Variants in ABCA4 observed in about 807,000 individuals in gnomAD.
The protein encoded by ABCA4 is ATP binding cassette subfamily A member 4, also known as retinal-specific phospholipid-transporting ATPase ABCA4.
Under a neutral mutation model 263.7 loss-of-function variants are expected in ABCA4, and 196 were observed. The ratio of observed to expected loss-of-function variants is 0.74; its 90% CI spans 0.66 to 0.84. The LOEUF (loss-of-function observed/expected upper bound fraction) is 0.84. ABCA4 is among the 40% of genes least tolerant of loss of function. ABCA4 has a pLI of 0.00. For synonymous variants in ABCA4, 1,133 were observed against 1,094.2 expected (o/e 1.04, Z -0.70); for missense variants, 2,792 against 2,855.1 (o/e 0.98, Z 0.50).
rs146855825 is a variant in ABCA4 at position 94,041,866 on chromosome 1, C to T, written c.3329-464G>A. Among the ~76,000 whole-genome samples, 973 of 152,174 alleles carry T rather than the reference C, an allele frequency of 6.4e-3. 14 individuals carry two copies. The highest frequency in any genetic ancestry group is 0.023 in the African/African-American group (942 of 41,522). On this transcript the variant is annotated intron_variant, in intron 22 of 49. Transcript: ENST00000370225. Reference sequence around the variant, plus strand: ...ATCCCAGCACTTTGGGAGGACAAGGCGGGAGGATCACCTGAGGTCGGGAGA... The same window carrying T: ...ATCCCAGCACTTTGGGAGGACAAGGTGGGAGGATCACCTGAGGTCGGGAGA...
intron 36 of ABCA4, 52 bp from the exon 37 acceptor site, chr1:94,015,906 A>G (rs2101015678): frequency 6.7e-7 from 1 of 1,501,506 alleles, no homozygotes. Context: ...ACCTGCTGCC[A>G]GCTCTGCAAA....
intron 11 of ABCA4, among the ~76,000 whole-genome samples, chr1:94,076,482 A>C (rs1213257732): frequency 2.0e-5 from 3 of 152,204 alleles, no homozygotes; most frequent in Non-Finnish European, 4.4e-5. Context: ...TGGTTAAGCA[A>C]AAAGCTTGTG....
intron 35 of ABCA4, among the ~76,000 whole-genome samples, chr1:94,020,617 C>T (rs1179250159): frequency 6.6e-6 from 1 of 152,178 alleles, no homozygotes; most frequent in African/African-American, 2.4e-5. Flanking sequence ...TAGTGGATGA[C>T]CCTGGGCATG....
At chr1:94,050,856 G>A (rs1660823429) in intron 17 of ABCA4, among the ~76,000 whole-genome samples, 1 of 152,176 alleles carries the variant, frequency 6.6e-6, no homozygotes, top group African/African-American at 2.4e-5. Context: ...ATAAGTCCTG[G>A]CCCAGGCCCA....
In ABCA4 at chr1:94,062,722, C is replaced by T. The variant is rs201838557; in HGVS notation, c.1792G>A (p.Val598Met). 378 of 1,613,942 alleles carry T rather than the reference C, an allele frequency of 2.3e-4. No homozygotes were observed. Among genetic ancestry groups the T allele is most frequent in the Non-Finnish European group, 3.0e-4 (350 of 1,180,016 alleles). Residue 598 changes from valine to methionine, a missense_variant, in exon 13 of 50, where the codon GTG becomes ATG. By Grantham distance (21) the Val-to-Met change is conservative. Transcript: ENST00000370225. ...CCCCAGATGTACCGGAAATCTTCCACGGGATCAGCTCTGGGACCAGAATCC... is the reference window on the plus strand; with the variant it reads ...CCCCAGATGTACCGGAAATCTTCCATGGGATCAGCTCTGGGACCAGAATCC... Reference protein sequence around the residue: ...YWDSGPRADPVEDFRYIWGGF... With the variant: ...YWDSGPRADPMEDFRYIWGGF...
intron 48 of ABCA4, among the ~76,000 whole-genome samples, 200 bp downstream of exon 48, chr1:93,997,660 AG>A (rs1285205450): frequency 3.3e-5 from 5 of 152,244 alleles, no homozygotes; most frequent in African/African-American, 1.2e-4. Flanking sequence ...TGTAAAAAAA[AG>A]AATCAATGAA....
chr1:94,003,600 A>G (rs913507130), intron 44 of ABCA4, among the ~76,000 whole-genome samples: 1 of 152,102 alleles, frequency 6.6e-6, no homozygotes, highest in African/African-American at 2.4e-5. Context: ...CCAATAAGCA[A>G]TCTGTACAGA....
At chr1:94,021,568 G>A in intron 34 of ABCA4, 72 bp downstream of exon 34, 1 of 1,515,488 alleles carries the variant, frequency 6.6e-7, no homozygotes, top group Non-Finnish European at 9.1e-7. Context: ...AATGAAGGTA[G>A]GAAAGTAAAA....
intron 31 of ABCA4, 115 bp downstream of exon 31, chr1:94,024,838 GA>G (rs1192233018): frequency 2.1e-6 from 2 of 931,470 alleles, no homozygotes; most frequent in Non-Finnish European, 3.3e-6. Context: ...AGATAAAAAA[GA>G]AAAAAATCTA....
chr1:94,119,182 T>C (rs1013678083), intron 1 of ABCA4, among the ~76,000 whole-genome samples: 4 of 152,108 alleles, frequency 2.6e-5, no homozygotes, highest in East Asian at 1.9e-4. Context: ...GGTTTTTTTT[T>C]CCAGTTTTAT....
intron 17 of ABCA4, 93 bp downstream of exon 17, chr1:94,051,540 A>T: frequency 8.6e-7 from 1 of 1,156,658 alleles, no homozygotes; most frequent in Non-Finnish European, 1.3e-6. Context: ...CACACCGTTT[A>T]CATAGAGGGC....
intron 44 of ABCA4, among the ~76,000 whole-genome samples, chr1:94,002,634 G>A (rs1659223528): frequency 2.6e-5 from 4 of 152,192 alleles, no homozygotes; most frequent in Admixed American, 2.6e-4. Flanking sequence ...AGCTCACCAT[G>A]CTTCTGCCTT....
At chr1:93,999,028 G>C (rs1659100986) in intron 47 of ABCA4, among the ~76,000 whole-genome samples, 1 of 150,914 alleles carries the variant, frequency 6.6e-6, no homozygotes, top group African/African-American at 2.4e-5. Context: ...TGGGATTACA[G>C]GCATGAGCCA....
At chr1:94,083,480 T>C (rs376991581) in intron 6 of ABCA4, 39 bp from the exon 7 acceptor site, 2 of 1,493,018 alleles carry the variant, frequency 1.3e-6, no homozygotes, top group African/African-American at 2.8e-5. Context: ...AATATATATA[T>C]GTTTGTAGGT....
intron 26 of ABCA4, among the ~76,000 whole-genome samples, chr1:94,033,823 C>G (rs1026553527): frequency 1.3e-5 from 2 of 152,026 alleles, no homozygotes; most frequent in African/African-American, 4.8e-5. Context: ...TGCCAGAGCC[C>G]CAGTTCTGCA....
At chr1:94,118,606 G>A (rs1261016902) in intron 1 of ABCA4, among the ~76,000 whole-genome samples, 1 of 152,198 alleles carries the variant, frequency 6.6e-6, no homozygotes, top group South Asian at 2.1e-4. Flanking sequence ...GGTAGCAGGT[G>A]GGGAGCCATC....
rs886046566 is a variant in ABCA4, at chr1:94,056,705, G to C, written c.2278C>G (p.Leu760Val). 1 of 1,614,184 alleles carries C rather than the reference G, an allele frequency of 6.2e-7. No homozygotes were observed. Among genetic ancestry groups the C allele is most frequent in the Non-Finnish European group, 8.5e-7 (1 of 1,180,022 alleles). The change falls in exon 15 of 50, where the codon CTG (leucine) becomes GTG (valine). Residue 760 changes from leucine to valine, a missense_variant. Transcript: ENST00000370225. ...LLSTFFSKAS[L>V]AAACSGVIYF... is the part of the protein sequence containing the mutation. Reference sequence around the variant, plus strand: ...ATGACACCACTACAGGCTGCTGCCAGACTGGCCTTGGAGAAGAAGGTGCTG... The same window carrying C: ...ATGACACCACTACAGGCTGCTGCCACACTGGCCTTGGAGAAGAAGGTGCTG...
At chr1:94,020,568 T>G (rs921523792) in intron 35 of ABCA4, among the ~76,000 whole-genome samples, 7 of 152,002 alleles carry the variant, frequency 4.6e-5, no homozygotes, top group Admixed American at 2.0e-4. Flanking sequence ...GGCCCTAGGG[T>G]GTCCAGAGGA....
At chr1:94,025,941 G>T (rs1287118278) in intron 30 of ABCA4, among the ~76,000 whole-genome samples, 4 of 152,170 alleles carry the variant, frequency 2.6e-5, no homozygotes, top group East Asian at 1.9e-4. Context: ...ATTAATGAAA[G>T]AATTTGAATA....
Sources: gnomAD v4.1 joint callset for allele counts (sites outside exome capture counted in the v4.1 genomes callset) on GRCh38, gnomAD v4.1.1 for gene constraint, MANE v1.5 for transcripts, NCBI Gene and HGNC (gene_info 2026-07-23, HGNC 2026-07-21) for gene names.